The following ATM variants were observed in gnomAD, a reference collection of about 807,000 sequenced individuals.
ATM encodes the protein ATM serine/threonine kinase, also known as serine-protein kinase ATM.
ATM carries 308 observed loss-of-function variants against 387.0 expected under a neutral mutation model. The ratio of observed to expected loss-of-function variants is 0.80; its 90% CI spans 0.73 to 0.87. The LOEUF is 0.87. Among genes scored for constraint, ATM ranks in the 40% least tolerant of loss-of-function variants. ATM has a pLI of 0.00. For missense variants in ATM, 3,312 were observed against 3,560.9 expected (o/e 0.93, Z 1.78); for synonymous variants, 1,156 against 1,187.3 (o/e 0.97, Z 0.54).
chr11:108,246,262 C>T (rs1441863884), intron 7 of ATM, among the ~76,000 whole-genome samples: 2 of 152,092 alleles, frequency 1.3e-5, no homozygotes, highest in African/African-American at 4.8e-5. Context: ...ATCTTTTACT[C>T]ACCTCTTATC....
intron 43 of ATM, 82 bp downstream of exon 43, chr11:108,317,603 A>T (rs2084805658): frequency 1.2e-6 from 1 of 849,828 alleles, no homozygotes; most frequent in Non-Finnish European, 1.7e-6. Context: ...TATGAATATA[A>T]CAGGAGTTGT....
At position 108,356,159 on chromosome 11, in the gene ATM, A is replaced by T. The variant is rs182774981; in HGVS notation, c.8850+1285A>T. The T allele has an allele frequency of 1.3e-4, 20 of 152,308 alleles. No homozygotes were observed. In the East Asian group the frequency reaches 2.3e-3, roughly 18 times the overall value. The allele number at this position is 152,308 out of a possible 1,614,324, so 9.4% of individuals were successfully genotyped here. On this transcript the variant is annotated intron_variant, in intron 61 of 62. Transcript: ENST00000675843. ...AAATAAGCATGATGTGTAACATTTT[A>T]AAAAAATAATACATGGTAACATGGA...
rs886711396 is a variant in ATM, at chr11:108,343,078, C to T, written c.8269-144C>T. 3.8e-6 allele frequency: 4 copies of T among 1,059,826 alleles called. No individual in the cohort carries two copies. In the African/African-American group the frequency reaches 4.8e-5, roughly 13 times the overall value. 65.7% of individuals were successfully genotyped at this position (1,059,826 alleles called of 1,614,324 possible). ...TAAGTTTATTTCCGATTGGTTTCCT[C>T]CAAGGAGCTTTGTCTTCTATGGACA... On this transcript the variant is annotated intron_variant, in intron 56 of 62. Transcript: ENST00000675843.
In ATM at chr11:108,289,768, T is replaced by A. The variant is rs2135765893; in HGVS notation, c.4403T>A (p.Val1468Asp). 6.2e-7 allele frequency: 1 copy of A among 1,613,394 alleles called. No homozygotes were observed. Among genetic ancestry groups the A allele is most frequent in the Non-Finnish European group, 8.5e-7 (1 of 1,179,928 alleles). Residue 1468 changes from valine to aspartate, a missense_variant, in exon 29 of 63, where the codon GTT (valine) becomes GAT (aspartate). Transcript: ENST00000675843. ...GCTTGGGCCTTTGTTCTTCGAGACG[T>A]TATTTATACTTTGATTCACTATATC... Reference protein sequence around the residue: ...GGAWAFVLRDVIYTLIHYINQ... With the variant: ...GGAWAFVLRDDIYTLIHYINQ...
Position 108,304,827 on chromosome 11 carries a change from C to T in ATM, c.5649C>T (p.Ser1883=), listed in dbSNP as rs1057522721. The T allele has an allele frequency of 2.5e-6, 4 of 1,614,052 alleles. No homozygotes were observed. In the Admixed American group the frequency reaches 5.0e-5, roughly 20 times the overall value. ...GACACTTCTCGCAAACGAGCCGATC[C>T]ACAACCCCTGCAAACTTGGATTCAG... The part of the protein sequence containing the change: ...CLRHFSQTSR[S]TTPANLDSES... Residue 1883 remains serine (S), a synonymous_variant, in exon 37 of 63, where the codon TCC becomes TCT. Coordinates refer to ENST00000675843, the MANE Select transcript of ATM (RefSeq NM_000051.4).
intron 5 of ATM, among the ~76,000 whole-genome samples, chr11:108,243,355 ATAATCC>A (rs1410099139): frequency 2.0e-5 from 3 of 151,906 alleles, no homozygotes; most frequent in Admixed American, 2.0e-4. Context: ...GCTCATGCCC[ATAATCC>A]CAGCACTTTG....
Position 108,247,143 on chromosome 11 carries a change from C to A in ATM, c.1065+16C>A. Reference sequence around the variant, plus strand: ...CTGTCACCAGGTACAGTAAGTAGGTCATGTCACATTTAGAAATTTCCTGTT... The same window carrying A: ...CTGTCACCAGGTACAGTAAGTAGGTAATGTCACATTTAGAAATTTCCTGTT... On this transcript the variant is annotated intron_variant, in intron 8 of 62. Coordinates refer to ENST00000675843, the MANE Select transcript of ATM (RefSeq NM_000051.4). The A allele has an allele frequency of 6.2e-7, 1 of 1,612,736 alleles. No homozygotes were observed. The highest frequency in any genetic ancestry group is 1.1e-5 in the South Asian group (1 of 90,758).
Position 108,304,954 on chromosome 11 carries a change from A to G in ATM, c.5674+102A>G, listed in dbSNP as rs4988045. ...AAAAGCACTTTACAGGATTAAATCT[A>G]TAACCTCTAAATTTGTTTCTTCATC... is the stretch of plus-strand genomic sequence containing the variant. On this transcript the variant is annotated intron_variant, in intron 37 of 62. Coordinates refer to ENST00000675843, the MANE Select transcript of ATM (RefSeq NM_000051.4). 0.01 allele frequency: 14,180 copies of G among 1,357,258 alleles called. 88 individuals carry two copies. The highest frequency in any genetic ancestry group is 0.012 in the Non-Finnish European group (11,533 of 982,268). The allele number at this position is 1,357,258 out of a possible 1,614,324, so 84.1% of individuals were successfully genotyped here.
chr11:108,308,043 C>A lies in ATM; in HGVS notation c.5762+59C>A, dbSNP rs888732349. 18 of 1,468,482 alleles carry A rather than the reference C, an allele frequency of 1.2e-5. No homozygotes were observed. The African/African-American group carries it at 1.8e-4, about 15-fold the overall frequency. The allele number at this position is 1,468,482 out of a possible 1,614,324, so 91.0% of individuals were successfully genotyped here. ...ATCTAGAGTGTAACTTGTTAACTAT[C>A]GGCTGAATTTTAACATGATTATTTT... is the stretch of plus-strand genomic sequence containing the variant. On this transcript the variant is annotated intron_variant, in intron 38 of 62. Coordinates refer to ENST00000675843, the MANE Select transcript of ATM (RefSeq NM_000051.4).
At chr11:108,227,970 G>A (rs1014820595) in intron 3 of ATM, 82 bp downstream of exon 3, 28 of 1,206,630 alleles carry the variant, frequency 2.3e-5, no homozygotes, top group Non-Finnish European at 3.1e-5. Context: ...TTGTGTGTAA[G>A]TCTTAACATT....
In ATM at chr11:108,252,667, T is replaced by C. The variant is rs540126464; in HGVS notation, c.1803-150T>C. 60 of 630,474 alleles carry C rather than the reference T, an allele frequency of 9.5e-5. No homozygotes were observed. In the South Asian group the frequency reaches 1.1e-3, roughly 12 times the overall value. 39.1% of individuals were successfully genotyped at this position (630,474 alleles called of 1,614,324 possible). The stretch of plus-strand genomic sequence containing the variant: ...CCTCCTTAAATTGTCCTTTTAGATA[T>C]TAAGAAATTTAGTATAGATGAAAGC... On this transcript the variant is annotated intron_variant, in intron 11 of 62. Coordinates refer to ENST00000675843, the MANE Select transcript of ATM (RefSeq NM_000051.4).
chr11:108,350,149 G>A (rs1314186980), intron 59 of ATM, among the ~76,000 whole-genome samples: 1 of 152,126 alleles, frequency 6.6e-6, no homozygotes, highest in East Asian at 1.9e-4. Flanking sequence ...CAGTTTAAGG[G>A]GCACTTTCAA....
intron 16 of ATM, among the ~76,000 whole-genome samples, chr11:108,262,938 C>T (rs1473441699): frequency 6.6e-6 from 1 of 151,302 alleles, no homozygotes; most frequent in African/African-American, 2.4e-5. Flanking sequence ...AGCTAACTAT[C>T]CTAAATATAT....
intron 17 of ATM, 26 bp downstream of exon 17, chr11:108,267,368 T>C: frequency 1.2e-6 from 2 of 1,607,674 alleles, no homozygotes; most frequent in Non-Finnish European, 1.7e-6. Flanking sequence ...CTACTTGGGA[T>C]TTCTTTTACT....
chr11:108,289,669 A>G lies in ATM; in HGVS notation c.4304A>G (p.Lys1435Arg), dbSNP rs769980220. ...QAAETNNVYK[K>R]HRILKIYHLF... ...GCTGAAACAAATAATGTTTATAAGA[A>G]GCACAGAATTCTTAAAATATATCAC... Residue 1435 changes from lysine (K) to arginine (R), a missense_variant, in exon 29 of 63, where the codon AAG becomes AGG. Physicochemically the swap from Lys to Arg is conservative, Grantham distance 26. Around this residue, in one of 4 missense-constraint regions of ATM, gnomAD observed 1,791 missense variants for 1,804.5 expected, o/e 0.99. Transcript: ENST00000675843. 6 of 1,612,956 alleles carry G rather than the reference A, an allele frequency of 3.7e-6. No individual in the cohort carries two copies. The highest frequency in any genetic ancestry group is 5.1e-6 in the Non-Finnish European group (6 of 1,179,728).
At chr11:108,353,987 G>C (rs1478536301) in intron 60 of ATM, 107 bp downstream of exon 60, 1 of 1,135,156 alleles carries the variant, frequency 8.8e-7, no homozygotes, top group African/African-American at 1.5e-5. Context: ...AGGCTGAAGT[G>C]GGAGGATTGT....
At chr11:108,243,780 TATAAG>T in intron 5 of ATM, among the ~76,000 whole-genome samples, 168 bp from the exon 6 acceptor site, 1 of 152,318 alleles carries the variant, frequency 6.6e-6, no homozygotes, top group African/African-American at 2.4e-5. Context: ...AGGCATTTTA[TATAAG>T]ATAAAATTAA....
At chr11:108,312,957 A>G (rs968864483) in intron 40 of ATM, among the ~76,000 whole-genome samples, 5 of 152,206 alleles carry the variant, frequency 3.3e-5, no homozygotes. Context: ...TCATTCCTCC[A>G]CAATGACAAT....
intron 16 of ATM, 58 bp downstream of exon 16, chr11:108,259,133 G>T: frequency 3.6e-6 from 5 of 1,385,704 alleles, no homozygotes; most frequent in Non-Finnish European, 5.1e-6. Context: ...TAATTTTTTT[G>T]TTGAAATATC....
Sources: allele counts gnomAD v4.1 joint callset (sites outside exome capture counted in the v4.1 genomes callset), GRCh38; gene constraint gnomAD v4.1.1; regional missense constraint gnomAD v4.1.1; transcripts MANE v1.5; gene names NCBI Gene and HGNC (gene_info 2026-07-23, HGNC 2026-07-21).